The following YWHAH variants were observed in gnomAD, a reference collection of about 807,000 sequenced individuals.
YWHAH encodes the protein tyrosine 3-monooxygenase/tryptophan 5-monooxygenase activation protein eta.
Under a neutral mutation model 22.9 loss-of-function variants are expected in YWHAH, and 6 were observed. The ratio of observed to expected loss-of-function variants is 0.26; its 90% CI spans 0.14 to 0.52. YWHAH has a LOEUF of 0.52. Among genes scored for constraint, YWHAH ranks in the 20% least tolerant of loss-of-function variants. The probability of loss-of-function intolerance (pLI) is 0.97; values close to 1 mark genes in which losing one functional copy is unlikely to be tolerated. For synonymous variants in YWHAH, 135 were observed against 124.5 expected (o/e 1.08, Z -0.56); for missense variants, 173 against 308.6 (o/e 0.56, Z 3.29).
At chr22:31,950,519 C>T (rs1024892219) in intron 1 of YWHAH, 22 of 643,296 alleles carry the variant, frequency 3.4e-5, no homozygotes, top group Non-Finnish European at 5.8e-5. Context: ...TAATGCCATT[C>T]AGATGGTGTT....
At chr22:31,954,070 A>C (rs1478487709) in intron 1 of YWHAH, among the ~76,000 whole-genome samples, 1 of 152,100 alleles carries the variant, frequency 6.6e-6, no homozygotes. Flanking sequence ...ATAAACCATC[A>C]TTGTTCATGA....
At chr22:31,944,961 C>A (rs1393506502) in intron 1 of YWHAH, 141 bp downstream of exon 1, 4 of 1,118,750 alleles carry the variant, frequency 3.6e-6, no homozygotes. Flanking sequence ...CCGCCCTTAG[C>A]CCGCGCTTCC....
chr22:31,956,075 G>A lies in YWHAH; in HGVS notation c.88-64G>A. On this transcript the variant is annotated intron_variant, in intron 1 of 1. Transcript: ENST00000248975. The surrounding 1 kb of genome is among the most constrained non-coding windows in gnomAD (Gnocchi z 5.1). ...AGAAGGATTGTTGATTATGTTGAAG[G>A]GAAGGCTTCTTACCAAGATTTTCAG... The A allele has an allele frequency of 2.0e-6, 3 of 1,521,310 alleles. 1 individual carries two copies. Among genetic ancestry groups the A allele is most frequent in the South Asian group, 2.6e-5 (2 of 75,614 alleles). The allele number at this position is 1,521,310 out of a possible 1,614,324, so 94.2% of individuals were successfully genotyped here. A position where few individuals can be genotyped will look rare whatever the true frequency, so the allele number is the denominator to read the frequency against.
intron 1 of YWHAH, among the ~76,000 whole-genome samples, chr22:31,948,544 AATT>A (rs1460878295): frequency 1.3e-5 from 2 of 152,030 alleles, no homozygotes; most frequent in African/African-American, 4.8e-5. Context: ...GTGCCCAGCT[AATT>A]ATTAAATTGT....
chr22:31,953,168 A>G (rs115702163), intron 1 of YWHAH, among the ~76,000 whole-genome samples: 1,527 of 152,328 alleles, frequency 0.01, 30 homozygotes, highest in African/African-American at 0.035. Flanking sequence ...GAGGAAGTAT[A>G]TTGTGACTCC....
At position 31,956,414 on chromosome 22, in the gene YWHAH, G is replaced by A. The variant is rs2093849672; in HGVS notation, c.363G>A (p.Val121=). The A allele has an allele frequency of 6.2e-7, 1 of 1,614,052 alleles. No individual in the cohort carries two copies. Among genetic ancestry groups the A allele is most frequent in the African/African-American group, 1.3e-5 (1 of 74,918 alleles). Residue 121 remains valine (V), a synonymous_variant, in exon 2 of 2, where the codon GTG becomes GTA. Coordinates refer to ENST00000248975, the MANE Select transcript of YWHAH (RefSeq NM_003405.4). The surrounding 1 kb of genome is among the most constrained non-coding windows in gnomAD (Gnocchi z 5.1). ...ATGATTTCCAGTATGAGAGCAAGGT[G>A]TTTTACCTGAAAATGAAGGGTGATT... is the stretch of plus-strand genomic sequence containing the variant. ...NCNDFQYESK[V]FYLKMKGDYY...
intron 1 of YWHAH, chr22:31,945,734 G>A (rs550241363): frequency 5.9e-4 from 709 of 1,196,704 alleles, no homozygotes; most frequent in Non-Finnish European, 7.1e-4. Flanking sequence ...GAACAACTGC[G>A]ACCACCAACC....
chr22:31,946,508 T>G (rs2093834899), intron 1 of YWHAH, among the ~76,000 whole-genome samples: 1 of 151,684 alleles, frequency 6.6e-6, no homozygotes, highest in Non-Finnish European at 1.5e-5. Context: ...AAGTGGTTGC[T>G]CACCCTCTAA....
chr22:31,952,545 G>A (rs527828927), intron 1 of YWHAH, among the ~76,000 whole-genome samples: 43 of 152,298 alleles, frequency 2.8e-4, no homozygotes, highest in African/African-American at 9.6e-4. Flanking sequence ...AAAAAATACT[G>A]TATTTAAATG....
chr22:31,949,372 G>A (rs192443249), intron 1 of YWHAH, among the ~76,000 whole-genome samples: 17 of 152,112 alleles, frequency 1.1e-4, no homozygotes, highest in African/African-American at 3.6e-4. Context: ...TTGAACACCC[G>A]ACCTCAGGTT....
intron 1 of YWHAH, among the ~76,000 whole-genome samples, chr22:31,951,752 T>C (rs1334333669): frequency 6.6e-6 from 1 of 152,082 alleles, no homozygotes; most frequent in Non-Finnish European, 1.5e-5. Context: ...ATGTGTGAAG[T>C]GAGTGCCCTG....
intron 1 of YWHAH, among the ~76,000 whole-genome samples, chr22:31,949,640 G>A (rs2093840252): frequency 6.6e-6 from 1 of 152,158 alleles, no homozygotes; most frequent in South Asian, 2.1e-4. Flanking sequence ...TGGGACTACA[G>A]GTGCCCGCCA....
At chr22:31,949,661 G>C (rs775852712) in intron 1 of YWHAH, among the ~76,000 whole-genome samples, 51 of 152,098 alleles carry the variant, frequency 3.4e-4, no homozygotes, top group Non-Finnish European at 6.0e-4. Context: ...CCTTCCATGT[G>C]TACATTCTTG....
intron 1 of YWHAH, among the ~76,000 whole-genome samples, chr22:31,952,601 A>C (rs2093844794): frequency 6.6e-6 from 1 of 152,228 alleles, no homozygotes; most frequent in South Asian, 2.1e-4. Context: ...TATTAGGAAC[A>C]ATATTTGCTT....
intron 1 of YWHAH, chr22:31,945,520 T>C: frequency 7.7e-7 from 1 of 1,304,100 alleles, no homozygotes; most frequent in Non-Finnish European, 1.0e-6. Flanking sequence ...TCTGTGTGTC[T>C]TTGCATTCCT....
At chr22:31,949,453 T>A (rs570788036) in intron 1 of YWHAH, among the ~76,000 whole-genome samples, 15 of 152,218 alleles carry the variant, frequency 9.9e-5, no homozygotes, top group Non-Finnish European at 1.8e-4. Context: ...TAGAACTTAT[T>A]TAACTTTTTA....
At chr22:31,951,610 G>C (rs1470044139) in intron 1 of YWHAH, among the ~76,000 whole-genome samples, 1 of 152,140 alleles carries the variant, frequency 6.6e-6, no homozygotes, top group Non-Finnish European at 1.5e-5. Context: ...TTTTTGCCTT[G>C]TGAGTAGTGG....
chr22:31,945,417 G>A (rs1050230675), intron 1 of YWHAH: 4 of 1,300,918 alleles, frequency 3.1e-6, no homozygotes, highest in Non-Finnish European at 4.0e-6. Flanking sequence ...GAGAGTGGGC[G>A]GAGGGTGTGG....
chr22:31,948,558 A>G (rs1034337055), intron 1 of YWHAH, among the ~76,000 whole-genome samples: 1 of 151,994 alleles, frequency 6.6e-6, no homozygotes, highest in Non-Finnish European at 1.5e-5. Context: ...ATTAAATTGT[A>G]TAGACAGGAT....
Sources: gnomAD v4.1 joint callset for allele counts (sites outside exome capture counted in the v4.1 genomes callset) on GRCh38, gnomAD v4.1.1 for gene constraint, Gnocchi (gnomAD v3.1) non-coding constraint, MANE v1.5 for transcripts, NCBI Gene and HGNC (gene_info 2026-07-23, HGNC 2026-07-21) for gene names.